Variants in EYS observed in about 807,000 individuals in gnomAD.
EYS encodes EGF-like photoreceptor maintenance factor, also known as protein eyes shut homolog.
EYS carries 250 observed loss-of-function variants against 282.1 expected under a neutral mutation model. That is an observed-to-expected ratio of 0.89 (90% CI 0.80 to 0.98). The LOEUF (loss-of-function observed/expected upper bound fraction) is 0.98, where lower values mean the gene tolerates loss of function less well. Ranked by LOEUF, EYS falls within the 50% of genes least tolerant of loss-of-function variation. The probability of loss-of-function intolerance (pLI) is 0.00; values close to 1 mark genes in which losing one functional copy is unlikely to be tolerated. For missense variants in EYS, 4,016 were observed against 3,709.0 expected, an observed-to-expected ratio of 1.08 and a Z score of -2.15; for synonymous variants, 1,355 against 1,282.9, an observed-to-expected ratio of 1.06 and a Z score of -1.20.
At chr6:64,546,011 GA>G (rs1172034457) in intron 26 of EYS, among the ~76,000 whole-genome samples, 11 of 152,188 alleles carry the variant, frequency 7.2e-5, no homozygotes, top group Admixed American at 5.9e-4. Flanking sequence ...CACAGAATTG[GA>G]AAAAACTACT....
chr6:65,705,352 C>T (rs1411748469), intron 1 of EYS, among the ~76,000 whole-genome samples: 1 of 152,136 alleles, frequency 6.6e-6, no homozygotes, highest in Non-Finnish European at 1.5e-5. Flanking sequence ...GGCTTGTTGG[C>T]CACCCTTCCC....
At chr6:64,903,350 T>G (rs1368062088) in intron 16 of EYS, among the ~76,000 whole-genome samples, 1 of 152,154 alleles carries the variant, frequency 6.6e-6, no homozygotes, top group Non-Finnish European at 1.5e-5. Context: ...AATGTCAGTA[T>G]GCAATCAGGC....
intron 7 of EYS, among the ~76,000 whole-genome samples, chr6:65,397,816 C>T (rs970023330): frequency 6.6e-5 from 10 of 152,024 alleles, no homozygotes; most frequent in Admixed American, 5.3e-4. Context: ...ATTTTTAGCT[C>T]TTTGAGAAAT....
intron 14 of EYS, among the ~76,000 whole-genome samples, chr6:64,951,077 G>A (rs1769489466): frequency 6.6e-6 from 1 of 151,526 alleles, no homozygotes; most frequent in Admixed American, 6.6e-5. Flanking sequence ...GGTCCGTGAA[G>A]AGAAGAACAG....
intron 15 of EYS, among the ~76,000 whole-genome samples, chr6:64,918,616 A>C (rs900228924): frequency 1.3e-5 from 2 of 152,194 alleles, no homozygotes; most frequent in African/African-American, 4.8e-5. Flanking sequence ...AATAAAGTAC[A>C]TCAAATTTGA....
intron 30 of EYS, among the ~76,000 whole-genome samples, chr6:64,266,649 A>T (rs1767768844): frequency 6.6e-6 from 1 of 152,134 alleles, no homozygotes; most frequent in Non-Finnish European, 1.5e-5. Flanking sequence ...CTTCACTTTC[A>T]TGGAGGTTAG....
At chr6:65,034,548 G>C (rs989950953) in intron 13 of EYS, among the ~76,000 whole-genome samples, 1 of 151,998 alleles carries the variant, frequency 6.6e-6, no homozygotes, top group African/African-American at 2.4e-5. Flanking sequence ...ATTTAAAAGT[G>C]TGTGGCACCT....
Position 64,390,101 on chromosome 6 carries a change from C to T in EYS, c.5928-1261G>A, listed in dbSNP as rs556530755. ...AACGGCACATCACGAGATTATATCC[C>T]GCACCTGGCTCCGAGGGTCCTACGC... On this transcript the variant is annotated intron_variant, in intron 28 of 42. Transcript: ENST00000503581. Among the ~76,000 whole-genome samples, 16 of 152,226 alleles carry T rather than the reference C, an allele frequency of 1.1e-4. No individual in the cohort carries two copies. In the East Asian group the frequency reaches 2.1e-3, roughly 20 times the overall value.
chr6:64,035,347 A>C (rs1770064051), intron 33 of EYS, among the ~76,000 whole-genome samples: 2 of 152,216 alleles, frequency 1.3e-5, no homozygotes, highest in South Asian at 4.1e-4. Flanking sequence ...TTCATGCTAG[A>C]AAATTCTTTA....
intron 22 of EYS, among the ~76,000 whole-genome samples, chr6:64,744,342 G>C (rs1472557083): frequency 6.6e-6 from 1 of 152,156 alleles, no homozygotes; most frequent in Non-Finnish European, 1.5e-5. Flanking sequence ...GTGAGAAACA[G>C]ATGCTGCTTG....
At position 64,880,824 on chromosome 6, in the gene EYS, T is replaced by A. The variant is rs557990978; in HGVS notation, c.2992+5873A>T. Among the ~76,000 whole-genome samples the A allele has an allele frequency of 1.9e-4, 29 of 148,862 alleles. No individual in the cohort carries two copies. The South Asian group carries it at 2.1e-3, about 11-fold the overall frequency. ...CACACATACTTATGTATAAGAGATT[T>A]TATATATATATATACACACACACAT... is the stretch of plus-strand genomic sequence containing the variant. On this transcript the variant is annotated intron_variant, in intron 19 of 42. Coordinates refer to ENST00000503581, the MANE Select transcript of EYS (RefSeq NM_001142800.2).
At chr6:65,360,312 T>C (rs1364584798) in intron 8 of EYS, among the ~76,000 whole-genome samples, 1 of 152,110 alleles carries the variant, frequency 6.6e-6, no homozygotes, top group East Asian at 1.9e-4. Context: ...TTTCCACTCA[T>C]AGTCAAAACC....
At chr6:64,830,721 T>C (rs1765187843) in intron 19 of EYS, among the ~76,000 whole-genome samples, 1 of 151,998 alleles carries the variant, frequency 6.6e-6, no homozygotes, top group Non-Finnish European at 1.5e-5. Context: ...ATTTTGGGTA[T>C]CTGTTTCCAG....
At chr6:64,987,595 G>A (rs939265314) in intron 14 of EYS, among the ~76,000 whole-genome samples, 4 of 151,462 alleles carry the variant, frequency 2.6e-5, no homozygotes, top group African/African-American at 9.7e-5. Flanking sequence ...CAGAGGTACA[G>A]CATATGTAGG....
At position 64,836,459 on chromosome 6, in the gene EYS, C is replaced by A. The variant is rs561198260; in HGVS notation, c.2993-13637G>T. Among the ~76,000 whole-genome samples, 42 of 151,436 alleles carry A rather than the reference C, an allele frequency of 2.8e-4. 1 individual carries two copies. Among genetic ancestry groups the A allele is most frequent in the African/African-American group, 1.0e-3 (42 of 41,434 alleles). On this transcript the variant is annotated intron_variant, in intron 19 of 42. Transcript: ENST00000503581. ...ACACACATATATTTTTGGGGGTTAT[C>A]TCTGTAGACAATTTATGCAGGGAAA...
rs192734462 is a variant in EYS, at chr6:64,116,791, A to G, written c.6425-34789T>C. Among the ~76,000 whole-genome samples, 49 of 152,252 alleles carry G rather than the reference A, an allele frequency of 3.2e-4. No individual in the cohort carries two copies. In the East Asian group the frequency reaches 8.9e-3, roughly 28 times the overall value. ...AGGTGTTTATACTTATATCAGACAAAATAGTTTTTAAGTCAAAAACTAAAG... is the reference window on the plus strand; with the variant it reads ...AGGTGTTTATACTTATATCAGACAAGATAGTTTTTAAGTCAAAAACTAAAG... On this transcript the variant is annotated intron_variant, in intron 31 of 42. Coordinates refer to ENST00000503581, the MANE Select transcript of EYS (RefSeq NM_001142800.2).
At chr6:64,182,186 T>TTTAAAAG (rs1395130389) in intron 31 of EYS, among the ~76,000 whole-genome samples, 2 of 152,310 alleles carry the variant, frequency 1.3e-5, no homozygotes, top group South Asian at 4.1e-4. Flanking sequence ...CCTGTTTTTA[T>TTTAAAAG]TAAGACTACT....
chr6:65,198,602 G>A (rs774853690), intron 12 of EYS, among the ~76,000 whole-genome samples: 9 of 151,984 alleles, frequency 5.9e-5, no homozygotes, highest in Non-Finnish European at 1.3e-4. Flanking sequence ...GACCACCACT[G>A]TATATGTGGC....
At chr6:63,888,039 G>A (rs898799358) in intron 35 of EYS, among the ~76,000 whole-genome samples, 1 of 152,164 alleles carries the variant, frequency 6.6e-6, no homozygotes, top group African/African-American at 2.4e-5. Flanking sequence ...CAAACTGGGT[G>A]GAACCCACTG....
Sources: allele counts gnomAD v4.1 joint callset (sites outside exome capture counted in the v4.1 genomes callset), GRCh38; gene constraint gnomAD v4.1.1; transcripts MANE v1.5; gene names NCBI Gene and HGNC (gene_info 2026-07-23, HGNC 2026-07-21).